The following TENM2 variants were observed in gnomAD, a reference collection of about 807,000 sequenced individuals.
TENM2 encodes the protein teneurin-2.
A neutral mutation model predicts 245.2 loss-of-function variants in TENM2; 52 were observed. The ratio of observed to expected loss-of-function variants is 0.21; its 90% confidence interval spans 0.17 to 0.27. The LOEUF (loss-of-function observed/expected upper bound fraction) is 0.27, where lower values mean the gene tolerates loss of function less well. Ranked by LOEUF, TENM2 falls within the 10% of genes least tolerant of loss-of-function variation. The pLI, the probability that TENM2 is intolerant of heterozygous loss-of-function variation, is 1.00. For missense variants in TENM2, 3,046 were observed against 3,666.8 expected (o/e 0.83, Z 4.37); for synonymous variants, 1,363 against 1,438.9 (o/e 0.95, Z 1.19).
the TENM2 span, among the ~76,000 whole-genome samples, chr5:167,091,225 A>G: frequency 2.6e-5 from 4 of 152,158 alleles, no homozygotes; most frequent in Non-Finnish European, 4.4e-5. Flanking sequence ...GGCTGGGGGA[A>G]CTTTTACAAA....
intron 1 of TENM2, among the ~76,000 whole-genome samples, chr5:167,334,840 T>C (rs553501508): frequency 6.6e-6 from 1 of 152,324 alleles, no homozygotes; most frequent in South Asian, 2.1e-4. Flanking sequence ...TATTTGTCTT[T>C]TGAAATCAGA....
In TENM2 at chr5:167,695,695, ACT is replaced by A. The variant is rs1757713416; in HGVS notation, c.503-180290_503-180289del. On this transcript the variant is annotated intron_variant, in intron 2 of 28. Transcript: ENST00000518659. The stretch of plus-strand genomic sequence containing the variant: ...TTTATTTTACCCTCTATCTGTGGCT[ACT>A]AAGTGAATTTCTACTTAGAATGGTG... Among the ~76,000 whole-genome samples the A allele has an allele frequency of 2.0e-5, 3 of 151,884 alleles. No homozygotes were observed. In the South Asian group the frequency reaches 6.3e-4, roughly 32 times the overall value.
At chr5:168,154,787 A>T (rs541151273) in intron 12 of TENM2, among the ~76,000 whole-genome samples, 1 of 152,302 alleles carries the variant, frequency 6.6e-6, no homozygotes, top group Admixed American at 6.5e-5. Flanking sequence ...AGCAAAAGCC[A>T]GCCAATAGAC....
intron 2 of TENM2, among the ~76,000 whole-genome samples, chr5:167,706,236 T>G (rs1378115022): frequency 1.4e-5 from 2 of 146,176 alleles, no homozygotes; most frequent in African/African-American, 2.5e-5. Flanking sequence ...ATTATATTAT[T>G]ATATAGTATA....
chr5:167,717,700 A>G (rs1047675574), intron 2 of TENM2, among the ~76,000 whole-genome samples: 1 of 152,178 alleles, frequency 6.6e-6, no homozygotes, highest in South Asian at 2.1e-4. Context: ...CTTCAATACA[A>G]TCAAAGCTGC....
chr5:167,492,620 A>C (rs1470356432), intron 2 of TENM2, among the ~76,000 whole-genome samples: 1 of 152,126 alleles, frequency 6.6e-6, no homozygotes, highest in African/African-American at 2.4e-5. Context: ...GCAATTTTTA[A>C]TACTTTGTAC....
intron 2 of TENM2, among the ~76,000 whole-genome samples, chr5:167,443,162 A>G (rs1288898335): frequency 6.6e-6 from 1 of 152,192 alleles, no homozygotes; most frequent in Non-Finnish European, 1.5e-5. Flanking sequence ...ACATGTCAAT[A>G]GCACAACTTT....
At chr5:167,170,270 C>T in the TENM2 span, among the ~76,000 whole-genome samples, 4 of 152,172 alleles carry the variant, frequency 2.6e-5, no homozygotes, top group Non-Finnish European at 4.4e-5. Flanking sequence ...CTATTCTAAC[C>T]TAGTCAAGCT....
intron 3 of TENM2, among the ~76,000 whole-genome samples, chr5:167,894,254 G>C (rs769308419): frequency 6.6e-6 from 1 of 152,192 alleles, no homozygotes; most frequent in Non-Finnish European, 1.5e-5. Context: ...GGTCTTTGAA[G>C]TTTCTGGGTA....
At chr5:167,187,941 G>T in the TENM2 span, among the ~76,000 whole-genome samples, 1 of 152,258 alleles carries the variant, frequency 6.6e-6, no homozygotes, top group Middle Eastern at 3.4e-3. Context: ...CCCTGGCAGA[G>T]GCTGTTGTGT....
intron 2 of TENM2, among the ~76,000 whole-genome samples, chr5:167,444,133 C>T (rs961573296): frequency 1.3e-5 from 2 of 151,958 alleles, no homozygotes; most frequent in African/African-American, 4.8e-5. Context: ...GAAAATACTA[C>T]GAGCCTCATA....
chr5:167,221,073 A>C, the TENM2 span, among the ~76,000 whole-genome samples: 32,426 of 151,984 alleles, frequency 0.21, 4,140 homozygotes, highest in African/African-American at 0.36. Context: ...GGTGATCCGC[A>C]CACCTTGGCC....
At chr5:167,406,353 T>A (rs918670504) in intron 2 of TENM2, among the ~76,000 whole-genome samples, 1 of 152,172 alleles carries the variant, frequency 6.6e-6, no homozygotes, top group African/African-American at 2.4e-5. Context: ...TGCATATTCA[T>A]AGAATTAAGT....
intron 2 of TENM2, among the ~76,000 whole-genome samples, chr5:167,863,571 G>A (rs767674751): frequency 9.2e-5 from 14 of 152,192 alleles, no homozygotes; most frequent in Non-Finnish European, 1.6e-4. Context: ...TTGAACCTGG[G>A]AGGTGGAGGT....
At chr5:167,997,741 C>T (rs1451488996) in intron 5 of TENM2, among the ~76,000 whole-genome samples, 2 of 152,018 alleles carry the variant, frequency 1.3e-5, no homozygotes, top group Non-Finnish European at 2.9e-5. Context: ...AATGTAAACC[C>T]ATTGTTTAGA....
At chr5:167,295,418 C>G (rs1028524194) in intron 1 of TENM2, among the ~76,000 whole-genome samples, 16 of 152,154 alleles carry the variant, frequency 1.1e-4, no homozygotes, top group African/African-American at 3.9e-4. Flanking sequence ...GTCTACTCTG[C>G]GGTATGTATA....
chr5:168,149,813 C>A (rs1373089481), intron 12 of TENM2, among the ~76,000 whole-genome samples: 8 of 152,250 alleles, frequency 5.3e-5, no homozygotes, highest in African/African-American at 1.9e-4. Flanking sequence ...ACCCCTCACT[C>A]ACTCTGCTAC....
chr5:167,509,763 C>G (rs1769805481), intron 2 of TENM2, among the ~76,000 whole-genome samples: 1 of 152,172 alleles, frequency 6.6e-6, no homozygotes, highest in South Asian at 2.1e-4. Context: ...AACAATAATG[C>G]TGTTAAGTGG....
intron 2 of TENM2, among the ~76,000 whole-genome samples, chr5:167,659,790 G>T (rs17068924): frequency 0.031 from 4,668 of 152,178 alleles, 229 homozygotes; most frequent in African/African-American, 0.11. Flanking sequence ...TGGGTATAAG[G>T]TTCCTCTACT....
Sources: gnomAD v4.1 joint callset for allele counts (sites outside exome capture counted in the v4.1 genomes callset) on GRCh38, gnomAD v4.1.1 for gene constraint, MANE v1.5 for transcripts, NCBI Gene and HGNC (gene_info 2026-07-23, HGNC 2026-07-21) for gene names.